The following TAOK1 variants were observed in gnomAD, a reference collection of about 807,000 sequenced individuals.
TAOK1 encodes TAO kinase 1.
Under a neutral mutation model 138.3 loss-of-function variants are expected in TAOK1, and 21 were observed. That is an observed-to-expected ratio of 0.15 (90% CI 0.11 to 0.22). The LOEUF (loss-of-function observed/expected upper bound fraction) is 0.22. TAOK1 is among the 10% of genes least tolerant of loss of function. The pLI, the probability that TAOK1 is intolerant of heterozygous loss-of-function variation, is 1.00. For missense variants in TAOK1, 651 were observed against 1,227.7 expected (o/e 0.53, Z 7.02); for synonymous variants, 361 against 398.4 (o/e 0.91, Z 1.12).
Position 29,415,363 on chromosome 17 carries a change from A to G in TAOK1, c.-95+24339A>G, listed in dbSNP as rs1905244044. On this transcript the variant is annotated intron_variant, in intron 1 of 19. Coordinates refer to ENST00000261716, the MANE Select transcript of TAOK1 (RefSeq NM_020791.4). ...TCAGTTCTTTTGGATGTATACCTAG[A>G]AGTGAAATTGTTGGGTCACATGATA... Among the ~76,000 whole-genome samples the G allele has an allele frequency of 4.6e-5, 7 of 152,278 alleles. 1 individual carries two copies. The South Asian group carries it at 1.4e-3, about 32-fold the overall frequency.
Position 29,431,876 on chromosome 17 carries a change from G to A in TAOK1, c.-94-19579G>A, listed in dbSNP as rs1008321938. On this transcript the variant is annotated intron_variant, in intron 1 of 19. Transcript: ENST00000261716. ...GGCTGGATTGCAGTGGTGCGATCTC[G>A]GCTCACTGCAACCTCTGACTCCCGG... Among the ~76,000 whole-genome samples the A allele has an allele frequency of 3.4e-5, 5 of 145,490 alleles. No individual in the cohort carries two copies. The East Asian group carries it at 1.0e-3, about 30-fold the overall frequency.
At chr17:29,482,105 C>A (rs1598500195) in intron 7 of TAOK1, 92 bp from the exon 8 acceptor site, 2 of 875,584 alleles carry the variant, frequency 2.3e-6, no homozygotes, top group Admixed American at 2.3e-5. Flanking sequence ...AGAATTCAAA[C>A]CAGTGATCTC....
intron 10 of TAOK1, among the ~76,000 whole-genome samples, chr17:29,493,162 A>C (rs372110049): frequency 1.3e-4 from 20 of 151,752 alleles, no homozygotes; most frequent in African/African-American, 4.8e-4. Context: ...AGAAAGAAGA[A>C]GACAATATTG....
At chr17:29,489,814 TAATCTG>T in intron 9 of TAOK1, 57 bp downstream of exon 9, 2 of 1,261,446 alleles carry the variant, frequency 1.6e-6, no homozygotes, top group Non-Finnish European at 2.2e-6. Context: ...TGCTTTTTCA[TAATCTG>T]TTATCAAAGT....
chr17:29,498,382 C>T lies in TAOK1; in HGVS notation c.1064C>T (p.Pro355Leu), dbSNP rs777374325. 1 of 1,613,976 alleles carries T rather than the reference C, an allele frequency of 6.2e-7. No homozygotes were observed. Among genetic ancestry groups the T allele is most frequent in the Non-Finnish European group, 8.5e-7 (1 of 1,180,026 alleles). ...AGTGTTGGAAGTAATCAATCCATTC[C>T]CAGCATGTCCATCAGTGCCAGCAGC... ...VNSVGSNQSI[P>L]SMSISASSQS... Residue 355 changes from proline (P) to leucine (L), a missense_variant, in exon 12 of 20, where the codon CCC (proline) becomes CTC (leucine). Pro to Leu is a moderately conservative substitution (Grantham distance 98). Transcript: ENST00000261716.
At chr17:29,498,629 G>A (rs755603829) in intron 12 of TAOK1, 108 bp downstream of exon 12, 1 of 1,308,788 alleles carries the variant, frequency 7.6e-7, no homozygotes, top group Non-Finnish European at 1.1e-6. Flanking sequence ...CCCGAAGTTT[G>A]GAACATGGCT....
chr17:29,448,348 A>G (rs1050614697), intron 1 of TAOK1, among the ~76,000 whole-genome samples: 2 of 152,158 alleles, frequency 1.3e-5, no homozygotes, highest in African/African-American at 4.8e-5. Context: ...TTTTTTAGCC[A>G]TTTAGCAGTA....
At chr17:29,432,093 T>C (rs779497781) in intron 1 of TAOK1, among the ~76,000 whole-genome samples, 5 of 152,124 alleles carry the variant, frequency 3.3e-5, no homozygotes, top group African/African-American at 1.2e-4. Context: ...CACAGAAATA[T>C]AAAGTGTGGA....
At chr17:29,502,923 G>A (rs555741020) in intron 13 of TAOK1, among the ~76,000 whole-genome samples, 200 bp downstream of exon 13, 1 of 151,948 alleles carries the variant, frequency 6.6e-6, no homozygotes, top group Admixed American at 6.6e-5. Context: ...TTCATGACAC[G>A]TACACAAAAA....
At chr17:29,533,986 A>G (rs12945584) in intron 18 of TAOK1, 132 bp from the exon 19 acceptor site, 160,614 of 939,680 alleles carry the variant, frequency 0.17, 14,262 homozygotes, top group Admixed American at 0.22. Flanking sequence ...TCCAAGATAC[A>G]AGAGAGAAAA....
intron 14 of TAOK1, among the ~76,000 whole-genome samples, chr17:29,510,067 G>T (rs1477143835): frequency 6.6e-6 from 1 of 151,032 alleles, no homozygotes; most frequent in Admixed American, 6.6e-5. Context: ...GTGTGTTTGA[G>T]ACATGAACAT....
In TAOK1 at chr17:29,466,154, T is replaced by C. The variant is rs374358218; in HGVS notation, c.133-991T>C. 1.1e-4 allele frequency among the ~76,000 whole-genome samples: 17 copies of C among 152,262 alleles called. No individual in the cohort carries two copies. The East Asian group carries it at 2.7e-3, about 24-fold the overall frequency. ...AGTTTCAAAATCTTTTGCATTCCTG[T>C]GTGTTTTGTTTTTTGAGACAGAGTT... On this transcript the variant is annotated intron_variant, in intron 2 of 19. Coordinates refer to ENST00000261716, the MANE Select transcript of TAOK1 (RefSeq NM_020791.4).
intron 17 of TAOK1, among the ~76,000 whole-genome samples, chr17:29,525,503 C>T (rs951778946): frequency 1.3e-5 from 2 of 152,106 alleles, no homozygotes; most frequent in African/African-American, 4.8e-5. Flanking sequence ...CTCCCAGGAT[C>T]AAGCGATTCT....
intron 17 of TAOK1, among the ~76,000 whole-genome samples, chr17:29,528,885 C>A (rs2032057841): frequency 2.2e-5 from 3 of 137,490 alleles, no homozygotes; most frequent in Non-Finnish European, 1.6e-5. Flanking sequence ...CAAAGTGTTT[C>A]TAAAACGAAC....
intron 17 of TAOK1, among the ~76,000 whole-genome samples, chr17:29,525,143 G>A (rs142815085): frequency 7.4e-4 from 113 of 151,708 alleles, no homozygotes; most frequent in African/African-American, 2.6e-3. Context: ...GTGGAGTTTC[G>A]CTCTTATTGC....
At chr17:29,492,012 G>T in intron 10 of TAOK1, 147 bp downstream of exon 10, 2 of 582,204 alleles carry the variant, frequency 3.4e-6, no homozygotes, top group Non-Finnish European at 6.0e-6. Flanking sequence ...AGCCTCCCAA[G>T]TAGCCGGGAC....
chr17:29,451,751 G>A (rs2030242517), intron 2 of TAOK1, 71 bp downstream of exon 2: 1 of 1,525,752 alleles, frequency 6.6e-7, no homozygotes, highest in Non-Finnish European at 8.8e-7. Flanking sequence ...GCAAAATATA[G>A]TAATGAAAAG....
chr17:29,404,897 A>T (rs1904951175), intron 1 of TAOK1, among the ~76,000 whole-genome samples: 1 of 152,204 alleles, frequency 6.6e-6, no homozygotes, highest in Non-Finnish European at 1.5e-5. Context: ...GTTAGGTGGA[A>T]TGATAGCCAA....
At chr17:29,445,538 A>T (rs951315864) in intron 1 of TAOK1, 2 of 152,190 alleles carry the variant, frequency 1.3e-5, no homozygotes, top group African/African-American at 4.8e-5. Context: ...GTGTTTTATC[A>T]TGAATGGATG....
Sources: allele counts gnomAD v4.1 joint callset (sites outside exome capture counted in the v4.1 genomes callset), GRCh38; gene constraint gnomAD v4.1.1; transcripts MANE v1.5; gene names NCBI Gene and HGNC (gene_info 2026-07-23, HGNC 2026-07-21).